The following RIOK2 variants were observed in gnomAD, a reference collection of about 807,000 sequenced individuals.
RIOK2 encodes RIO kinase 2, also known as serine/threonine-protein kinase RIO2.
A neutral mutation model predicts 62.4 loss-of-function variants in RIOK2; 46 were observed. The ratio of observed to expected loss-of-function variants is 0.74; its 90% confidence interval spans 0.58 to 0.94. The LOEUF is 0.94. Ranked by LOEUF, RIOK2 falls within the 40% of genes least tolerant of loss-of-function variation. RIOK2 has a pLI of 0.00. For missense variants in RIOK2, 574 were observed against 658.0 expected (o/e 0.87, Z 1.40); for synonymous variants, 197 against 216.0 (o/e 0.91, Z 0.77).
At chr5:97,182,257 C>A (rs184800195) in intron 1 of RIOK2, among the ~76,000 whole-genome samples, 105 of 152,334 alleles carry the variant, frequency 6.9e-4, no homozygotes, top group Middle Eastern at 3.4e-3. Flanking sequence ...ACCTCCAAGG[C>A]TCTGTAGTAC....
Position 97,167,787 on chromosome 5 carries a change from T to G in RIOK2, c.1077A>C (p.Leu359=). Reference sequence around the variant, plus strand: ...TGCAATAGCAGCCCTCTGATTCTTCTAGACAGTTCCGTTCACTTTCATTTT... The same window carrying G: ...TGCAATAGCAGCCCTCTGATTCTTCGAGACAGTTCCGTTCACTTTCATTTT... ...GSENESERNC[L]EESEGCYCRS... Residue 359 remains leucine, a synonymous_variant, in exon 8 of 10, where the codon CTA becomes CTC. Transcript: ENST00000283109. The G allele has an allele frequency of 1.2e-6, 2 of 1,614,184 alleles. No individual in the cohort carries two copies. The highest frequency in any genetic ancestry group is 2.7e-5 in the African/African-American group (2 of 75,076).
chr5:97,170,466 G>A (rs1430820972), intron 6 of RIOK2, among the ~76,000 whole-genome samples: 1 of 152,050 alleles, frequency 6.6e-6, no homozygotes, highest in Non-Finnish European at 1.5e-5. Context: ...TCAGATCATC[G>A]AGATTACTGA....
intron 8 of RIOK2, chr5:97,166,724 T>C (rs1748850980): frequency 1.0e-6 from 1 of 962,966 alleles, no homozygotes; most frequent in South Asian, 4.8e-5. Context: ...CTCAAGGTAC[T>C]AGAGAAAATT....
rs1005348709 is a variant in RIOK2, at chr5:97,161,218, G to A, written c.*1843C>T. On this transcript the variant is annotated 3_prime_UTR_variant, in exon 10 of 10. Coordinates refer to ENST00000283109, the MANE Select transcript of RIOK2 (RefSeq NM_018343.3). Reference sequence around the variant, plus strand: ...AGAAGGTACCTGAGGTTTGGGAAGTGTAGAACCAGGATTTAAATCTGGAAC... The same window carrying A: ...AGAAGGTACCTGAGGTTTGGGAAGTATAGAACCAGGATTTAAATCTGGAAC... 7 of 152,194 alleles carry A rather than the reference G, an allele frequency of 4.6e-5. No individual in the cohort carries two copies. The highest frequency in any genetic ancestry group is 1.2e-4 in the African/African-American group (5 of 41,440). The allele number at this position is 152,194 out of a possible 1,614,324, so 9.4% of individuals were successfully genotyped here.
At chr5:97,179,318 T>C (rs1749270161) in intron 1 of RIOK2, 125 bp from the exon 2 acceptor site, 6 of 772,570 alleles carry the variant, frequency 7.8e-6, no homozygotes, top group Non-Finnish European at 1.2e-5. Flanking sequence ...TTCTGAGACA[T>C]AATCACTTCC....
chr5:97,170,128 T>C (rs1263120522), intron 6 of RIOK2, among the ~76,000 whole-genome samples: 1 of 152,174 alleles, frequency 6.6e-6, no homozygotes, highest in East Asian at 1.9e-4. Flanking sequence ...AGAATTAATA[T>C]ACTCTATTAT....
chr5:97,164,980 T>C, intron 9 of RIOK2, 71 bp downstream of exon 9: 1 of 1,008,460 alleles, frequency 9.9e-7, no homozygotes, highest in Admixed American at 2.3e-5. Flanking sequence ...CATTATTGTT[T>C]AATGAGACAA....
Position 97,167,493 on chromosome 5 carries a change from TGAC to T in RIOK2, c.1368_1370del (p.Ser457del), listed in dbSNP as rs756869737. 6 of 1,614,130 alleles carry T rather than the reference TGAC, an allele frequency of 3.7e-6. No homozygotes were observed. The highest frequency in any genetic ancestry group is 4.5e-5 in the East Asian group (2 of 44,870). On this transcript the variant is annotated inframe_deletion, in exon 8 of 10. Coordinates refer to ENST00000283109, the MANE Select transcript of RIOK2 (RefSeq NM_018343.3). ...TGAAAGGCCTGAATTCTCTATTTAA[TGAC>T]GACAAGGCAATTAGATGAGGGCATT...
intron 8 of RIOK2, chr5:97,166,979 G>A (rs1748860067): frequency 2.2e-5 from 15 of 679,506 alleles, no homozygotes; most frequent in Non-Finnish European, 2.6e-5. Context: ...GCAGTGGTAC[G>A]ATCTTTGGCT....
intron 8 of RIOK2, chr5:97,167,054 T>A (rs562467404): frequency 1.4e-4 from 61 of 445,198 alleles, no homozygotes; most frequent in Non-Finnish European, 1.4e-4. Flanking sequence ...GTAGCTGGGA[T>A]TACAAGCACA....
At chr5:97,167,283 G>T in intron 8 of RIOK2, 184 bp downstream of exon 8, 1 of 1,437,882 alleles carries the variant, frequency 7.0e-7, no homozygotes, top group Admixed American at 2.9e-5. Flanking sequence ...CTAGAATCAG[G>T]TCAATTGAAA....
intron 6 of RIOK2, 107 bp downstream of exon 6, chr5:97,171,099 T>C: frequency 1.4e-6 from 1 of 705,282 alleles, no homozygotes; most frequent in African/African-American, 1.9e-5. Context: ...AGGTGGAAGT[T>C]GCAGTGAGCC....
At chr5:97,182,043 C>G (rs1318101024) in intron 1 of RIOK2, among the ~76,000 whole-genome samples, 1 of 152,200 alleles carries the variant, frequency 6.6e-6, no homozygotes, top group Non-Finnish European at 1.5e-5. Flanking sequence ...ACTCACATCG[C>G]ATATCCTATT....
At chr5:97,179,776 C>T (rs1749284810) in intron 1 of RIOK2, among the ~76,000 whole-genome samples, 1 of 97,144 alleles carries the variant, frequency 1.0e-5, no homozygotes, top group Non-Finnish European at 1.8e-5. Context: ...AATACGTGGA[C>T]ACAGAAAGGG....
chr5:97,178,422 G>T (rs1749233102), intron 2 of RIOK2, among the ~76,000 whole-genome samples: 1 of 151,646 alleles, frequency 6.6e-6, no homozygotes. Context: ...GTACCTACAT[G>T]CTTTTCTGCA....
intron 5 of RIOK2, 133 bp from the exon 6 acceptor site, chr5:97,171,530 G>T: frequency 2.1e-6 from 1 of 481,308 alleles, no homozygotes. Flanking sequence ...ATTCCCATCA[G>T]CACACAGATA....
At chr5:97,178,535 A>ATGCAGTACCTACGTGCTCTTC (rs1267878578) in intron 2 of RIOK2, among the ~76,000 whole-genome samples, 3 of 120,432 alleles carry the variant, frequency 2.5e-5, no homozygotes, top group Admixed American at 1.7e-4. Context: ...ACCTGCTCTT[A>ATGCAGTACCTACGTGCTCTTC]TGCAGTACCT....
At chr5:97,166,147 G>C (rs1748836693) in intron 8 of RIOK2, 1 of 296,338 alleles carries the variant, frequency 3.4e-6, no homozygotes, top group South Asian at 3.2e-5. Context: ...TTGGTCTCTA[G>C]CTTGTTGACT....
intron 4 of RIOK2, among the ~76,000 whole-genome samples, chr5:97,174,377 G>C (rs1322354501): frequency 1.3e-5 from 2 of 152,188 alleles, no homozygotes; most frequent in African/African-American, 4.8e-5. Context: ...TTGATATCGT[G>C]CCACTGCATT....
Sources: allele counts gnomAD v4.1 joint callset (sites outside exome capture counted in the v4.1 genomes callset), GRCh38; gene constraint gnomAD v4.1.1; transcripts MANE v1.5; gene names NCBI Gene and HGNC (gene_info 2026-07-23, HGNC 2026-07-21).